Variants in PRELID2 observed in about 807,000 individuals in gnomAD.
The protein encoded by PRELID2 is PRELI domain containing 2.
PRELID2 carries 25 observed loss-of-function variants against 28.4 expected under a neutral mutation model. That is an observed-to-expected ratio of 0.88 (90% confidence interval 0.64 to 1.23). The LOEUF is 1.23. Ranked by LOEUF, PRELID2 falls within the 50% of genes most tolerant of loss-of-function variation. The pLI is 0.00. For synonymous variants in PRELID2, 76 were observed against 71.6 expected, an observed-to-expected ratio of 1.06 and a Z score of -0.31; for missense variants, 201 against 214.4, an observed-to-expected ratio of 0.94 and a Z score of 0.39.
At chr5:145,229,125 AC>A in the PRELID2 span, 2 of 1,340,918 alleles carry the variant, frequency 1.5e-6, no homozygotes, top group Non-Finnish European at 2.1e-6. Context: ...AAAAGTGGAA[AC>A]CGTCCAGCGG....
At chr5:145,411,900 G>A in the PRELID2 span, among the ~76,000 whole-genome samples, 25 of 152,274 alleles carry the variant, frequency 1.6e-4, no homozygotes, top group South Asian at 1.9e-3. Context: ...CGTGGAAGCC[G>A]CCAAATATGG....
At chr5:145,436,289 T>C in the PRELID2 span, among the ~76,000 whole-genome samples, 1 of 152,198 alleles carries the variant, frequency 6.6e-6, no homozygotes, top group African/African-American at 2.4e-5. Context: ...GGCTGTGTAA[T>C]ATTCAATGTA....
At chr5:145,469,251 T>C (rs1287542187), downstream of PRELID2, among the ~76,000 whole-genome samples, 1 of 152,104 alleles carries the variant, frequency 6.6e-6, no homozygotes, top group African/African-American at 2.4e-5. Flanking sequence ...TATCTAGATA[T>C]AGTCAGCTAA....
chr5:145,371,325 G>C, the PRELID2 span, among the ~76,000 whole-genome samples: 9 of 151,950 alleles, frequency 5.9e-5, no homozygotes, highest in Non-Finnish European at 1.3e-4. Context: ...TAACATGAAG[G>C]GATATTGAAT....
chr5:145,531,296 A>T (rs566339391), intron 1 of PRELID2, among the ~76,000 whole-genome samples: 2 of 152,244 alleles, frequency 1.3e-5, no homozygotes, highest in Admixed American at 6.5e-5. Context: ...TCTGACACAG[A>T]CTAAAAAATC....
intron 1 of PRELID2, among the ~76,000 whole-genome samples, chr5:145,705,510 T>C (rs1430252957): frequency 6.6e-6 from 1 of 152,164 alleles, no homozygotes; most frequent in Admixed American, 6.6e-5. Flanking sequence ...AAAAGTACCA[T>C]TTTTAATGAA....
At chr5:145,829,931 A>T (rs188833631) in intron 1 of PRELID2, among the ~76,000 whole-genome samples, 4 of 152,306 alleles carry the variant, frequency 2.6e-5, no homozygotes, top group African/African-American at 9.6e-5. Flanking sequence ...AAACATTCAA[A>T]CCATTTTGTT....
chr5:145,617,069 G>A (rs186093170), intron 1 of PRELID2, among the ~76,000 whole-genome samples: 11 of 152,266 alleles, frequency 7.2e-5, no homozygotes, highest in South Asian at 6.2e-4. Context: ...TGTTCCACCC[G>A]GCTACTGGCG....
chr5:145,528,736 G>A (rs1392107810), intron 1 of PRELID2, among the ~76,000 whole-genome samples: 23 of 147,628 alleles, frequency 1.6e-4, no homozygotes, highest in Admixed American at 1.5e-3. Flanking sequence ...CAGAGAGAGA[G>A]AGAGAGAGAG....
the PRELID2 span, among the ~76,000 whole-genome samples, chr5:145,285,338 A>C: frequency 6.6e-6 from 1 of 152,124 alleles, no homozygotes; most frequent in Non-Finnish European, 1.5e-5. Context: ...GGTTATCCTA[A>C]AGATAGCACT....
the PRELID2 span, among the ~76,000 whole-genome samples, chr5:145,327,069 G>A: frequency 1.8e-4 from 28 of 151,686 alleles, no homozygotes; most frequent in African/African-American, 6.5e-4. Flanking sequence ...GCCTAAAATC[G>A]TAAAAATCAC....
chr5:145,656,759 G>A (rs533931475), intron 1 of PRELID2, among the ~76,000 whole-genome samples: 1 of 128,330 alleles, frequency 7.8e-6, no homozygotes, highest in East Asian at 2.8e-4. Context: ...TCATGGGGTG[G>A]GGGGAGGGGG....
At chr5:145,571,748 G>A in intron 1 of PRELID2, among the ~76,000 whole-genome samples, 1 of 152,114 alleles carries the variant, frequency 6.6e-6, no homozygotes, top group Non-Finnish European at 1.5e-5. Context: ...TTGGGAGGCT[G>A]AGGCAGGTGG....
At chr5:145,694,397 AT>A (rs1183286279) in intron 1 of PRELID2, among the ~76,000 whole-genome samples, 2 of 152,268 alleles carry the variant, frequency 1.3e-5, no homozygotes, top group East Asian at 3.9e-4. Context: ...TTTTTAAAAT[AT>A]TTTAATGTTG....
intron 3 of PRELID2, chr5:145,819,301 CT>C (rs1754591545): frequency 2.1e-6 from 2 of 943,430 alleles, no homozygotes; most frequent in African/African-American, 3.3e-5. Flanking sequence ...TTTCCTCTGA[CT>C]TCCTCATAGC....
At chr5:145,737,128 T>A (rs1756517303) in intron 1 of PRELID2, among the ~76,000 whole-genome samples, 1 of 152,084 alleles carries the variant, frequency 6.6e-6, no homozygotes, top group Non-Finnish European at 1.5e-5. Flanking sequence ...TCTATTTCAA[T>A]TATCTTACTT....
intron 1 of PRELID2, among the ~76,000 whole-genome samples, chr5:145,709,431 G>A (rs1418934327): frequency 1.3e-5 from 2 of 152,154 alleles, no homozygotes; most frequent in Non-Finnish European, 2.9e-5. Context: ...AGCAGGGGGA[G>A]CTTCCAGATC....
intron 1 of PRELID2, among the ~76,000 whole-genome samples, chr5:145,589,940 C>T (rs1753205287): frequency 6.6e-6 from 1 of 152,110 alleles, no homozygotes; most frequent in South Asian, 2.1e-4. Context: ...TTGAATAGCC[C>T]ATCAGCTCCT....
At chr5:145,579,253 T>C (rs1208021550) in intron 1 of PRELID2, among the ~76,000 whole-genome samples, 1 of 152,016 alleles carries the variant, frequency 6.6e-6, no homozygotes, top group African/African-American at 2.4e-5. Context: ...AATTGATAAT[T>C]TAGAAACTTC....
Sources: allele counts gnomAD v4.1 joint callset (sites outside exome capture counted in the v4.1 genomes callset), GRCh38; gene constraint gnomAD v4.1.1; transcripts MANE v1.5; gene names NCBI Gene and HGNC (gene_info 2026-07-23, HGNC 2026-07-21).